ADGRV1: variants seen among roughly 807,000 people sequenced by gnomAD.
The protein encoded by ADGRV1 is G-protein coupled receptor 98.
ADGRV1 carries 359 observed loss-of-function variants against 596.2 expected under a neutral mutation model. The observed-to-expected ratio is 0.60, with a 90% CI of 0.55 to 0.66. ADGRV1 has a LOEUF of 0.66. Ranked by LOEUF, ADGRV1 falls within the 30% of genes least tolerant of loss-of-function variation. ADGRV1 has a pLI of 0.00. For synonymous variants in ADGRV1, 2,681 were observed against 2,679.2 expected, an observed-to-expected ratio of 1.00 and a Z score of -0.02; for missense variants, 7,274 against 7,575.6, an observed-to-expected ratio of 0.96 and a Z score of 1.48.
At chr5:91,109,428 CCTGATTTTCA>C (rs1380276425) in intron 87 of ADGRV1, among the ~76,000 whole-genome samples, 4 of 152,124 alleles carry the variant, frequency 2.6e-5, no homozygotes, top group Non-Finnish European at 5.9e-5. Context: ...GTTAACAAAT[CCTGATTTTCA>C]CTGTGCTTTA....
At chr5:91,154,451 A>G (rs1200555775) in intron 89 of ADGRV1, among the ~76,000 whole-genome samples, 1 of 152,218 alleles carries the variant, frequency 6.6e-6, no homozygotes, top group Non-Finnish European at 1.5e-5. Context: ...GCATATTTTC[A>G]TGTATCATAT....
At position 90,966,393 on chromosome 5, in the gene ADGRV1, G is replaced by A. The variant is rs368423511; in HGVS notation, c.17973+862G>A. Among the ~76,000 whole-genome samples, 161 of 151,994 alleles carry A rather than the reference G, an allele frequency of 1.1e-3. 1 individual carries two copies. The highest frequency in any genetic ancestry group is 3.6e-3 in the African/African-American group (149 of 41,462). On this transcript the variant is annotated intron_variant, in intron 84 of 89. Coordinates refer to ENST00000405460, the MANE Select transcript of ADGRV1 (RefSeq NM_032119.4). ...TAAAAATATTAAAAATTAGCTGGGC[G>A]TGGTGGTGGGCACCTATAATCCCAG...
At chr5:90,724,520 T>C (rs1416265585) in intron 45 of ADGRV1, among the ~76,000 whole-genome samples, 1 of 152,206 alleles carries the variant, frequency 6.6e-6, no homozygotes, top group African/African-American at 2.4e-5. Context: ...TGAGCCACCA[T>C]GCCCAGCCAC....
At chr5:90,728,126 G>C (rs1752043184) in intron 48 of ADGRV1, among the ~76,000 whole-genome samples, 1 of 152,166 alleles carries the variant, frequency 6.6e-6, no homozygotes, top group Non-Finnish European at 1.5e-5. Flanking sequence ...ATAATTTTCT[G>C]TGACATTGAC....
intron 84 of ADGRV1, among the ~76,000 whole-genome samples, chr5:90,975,277 G>T (rs1214961632): frequency 6.6e-6 from 1 of 152,086 alleles, no homozygotes; most frequent in Admixed American, 6.5e-5. Context: ...TTCAACCATT[G>T]TGGAAGACAG....
intron 87 of ADGRV1, among the ~76,000 whole-genome samples, chr5:91,143,839 C>CT (rs1377348857): frequency 2.6e-5 from 4 of 152,320 alleles, no homozygotes; most frequent in Middle Eastern, 3.4e-3. Flanking sequence ...GGAGGGGTGC[C>CT]TGCAGGCCAG....
chr5:90,958,184 T>G (rs1777652668), intron 83 of ADGRV1, among the ~76,000 whole-genome samples: 1 of 147,108 alleles, frequency 6.8e-6, no homozygotes, highest in Admixed American at 6.9e-5. Flanking sequence ...CTTCTGAGGC[T>G]GAGGTGGGAG....
chr5:91,129,372 G>T (rs1260377605), intron 87 of ADGRV1, among the ~76,000 whole-genome samples: 1 of 152,114 alleles, frequency 6.6e-6, no homozygotes, highest in Non-Finnish European at 1.5e-5. Context: ...ATAATTACTT[G>T]CCCTTATTGT....
chr5:90,826,262 C>T (rs1764066141), intron 76 of ADGRV1, among the ~76,000 whole-genome samples: 1 of 152,064 alleles, frequency 6.6e-6, no homozygotes, highest in Admixed American at 6.6e-5. Context: ...CTGTAGTGGG[C>T]TTTGAGAAAT....
intron 38 of ADGRV1, 139 bp downstream of exon 38, chr5:90,706,533 AC>A (rs1445538114): frequency 4.4e-6 from 3 of 688,374 alleles, no homozygotes; most frequent in Non-Finnish European, 6.9e-6. Context: ...GGTGTGCTGC[AC>A]CCATTAACTC....
intron 1 of ADGRV1, among the ~76,000 whole-genome samples, chr5:90,611,865 C>T (rs895204519): frequency 6.6e-6 from 1 of 151,814 alleles, no homozygotes; most frequent in African/African-American, 2.4e-5. Flanking sequence ...CCTAGCTACT[C>T]TAAAAAATAA....
At chr5:91,046,461 T>C (rs1785819131) in intron 85 of ADGRV1, among the ~76,000 whole-genome samples, 1 of 152,166 alleles carries the variant, frequency 6.6e-6, no homozygotes, top group South Asian at 2.1e-4. Flanking sequence ...GCAAGTCACA[T>C]GTAGGAGGAT....
intron 79 of ADGRV1, chr5:90,850,539 G>A (rs1383995686): frequency 6.6e-6 from 1 of 152,006 alleles, no homozygotes; most frequent in Non-Finnish European, 1.5e-5. Flanking sequence ...GTATGCATTT[G>A]TGTGTGTGTG....
At chr5:91,003,136 A>C (rs1781981608) in intron 85 of ADGRV1, among the ~76,000 whole-genome samples, 1 of 152,084 alleles carries the variant, frequency 6.6e-6, no homozygotes, top group Admixed American at 6.6e-5. Flanking sequence ...ACAGTATATA[A>C]AGGTAATTAG....
At chr5:90,675,780 T>C (rs966749016) in intron 24 of ADGRV1, among the ~76,000 whole-genome samples, 4 of 151,360 alleles carry the variant, frequency 2.6e-5, no homozygotes, top group Admixed American at 6.6e-5. Context: ...ATTGTGAGAC[T>C]CTGTCTCTAA....
At chr5:91,082,133 A>C (rs983333018) in intron 86 of ADGRV1, among the ~76,000 whole-genome samples, 2 of 152,154 alleles carry the variant, frequency 1.3e-5, no homozygotes, top group Admixed American at 6.5e-5. Flanking sequence ...TGTGTTGCAC[A>C]CTCTTTAACC....
chr5:90,620,334 C>T (rs1289727965), intron 4 of ADGRV1, among the ~76,000 whole-genome samples: 2 of 152,276 alleles, frequency 1.3e-5, no homozygotes, highest in East Asian at 1.9e-4. Flanking sequence ...TTTTGATTTG[C>T]ATTTCTCTGA....
At chr5:90,951,633 G>A (rs1406778956) in intron 83 of ADGRV1, among the ~76,000 whole-genome samples, 2 of 151,978 alleles carry the variant, frequency 1.3e-5, no homozygotes, top group African/African-American at 4.8e-5. Context: ...TTTTAATGGG[G>A]CTACCAATAA....
At chr5:91,087,695 G>A (rs1790013600) in intron 86 of ADGRV1, among the ~76,000 whole-genome samples, 1 of 152,162 alleles carries the variant, frequency 6.6e-6, no homozygotes, top group Non-Finnish European at 1.5e-5. Context: ...AAGTTTATCT[G>A]GAACTGTTCG....
Sources: allele counts gnomAD v4.1 joint callset (sites outside exome capture counted in the v4.1 genomes callset), GRCh38; gene constraint gnomAD v4.1.1; transcripts MANE v1.5; gene names NCBI Gene and HGNC (gene_info 2026-07-23, HGNC 2026-07-21).